SAMD4A: variants seen among roughly 807,000 people sequenced by gnomAD.
SAMD4A encodes sterile alpha motif domain containing 4A.
In SAMD4A, 33 loss-of-function variants were observed where a neutral mutation model predicts 81.3. That is an observed-to-expected ratio of 0.41 (90% CI 0.31 to 0.54). The LOEUF (loss-of-function observed/expected upper bound fraction) is 0.54, where lower values mean the gene tolerates loss of function less well. SAMD4A is among the 20% of genes least tolerant of loss of function. SAMD4A has a pLI of 0.37. For synonymous variants in SAMD4A, 389 were observed against 382.1 expected, an observed-to-expected ratio of 1.02 and a Z score of -0.21; for missense variants, 854 against 951.1, an observed-to-expected ratio of 0.90 and a Z score of 1.34.
At chr14:54,759,954 G>T (rs1171420205) in intron 6 of SAMD4A, among the ~76,000 whole-genome samples, 1 of 152,042 alleles carries the variant, frequency 6.6e-6, no homozygotes, top group Non-Finnish European at 1.5e-5. Flanking sequence ...TATTTTCCTC[G>T]CTATACCTGT....
At chr14:54,627,801 C>T (rs1166931275) in intron 2 of SAMD4A, among the ~76,000 whole-genome samples, 3 of 152,138 alleles carry the variant, frequency 2.0e-5, no homozygotes, top group Non-Finnish European at 2.9e-5. Flanking sequence ...TGTATAAAAT[C>T]CAGACTAGAC....
At chr14:54,690,305 G>T (rs2140655844) in intron 2 of SAMD4A, among the ~76,000 whole-genome samples, 1 of 152,194 alleles carries the variant, frequency 6.6e-6, no homozygotes, top group South Asian at 2.1e-4. Flanking sequence ...GAGGGGGAGG[G>T]TTCAGATGTG....
At chr14:54,687,416 G>A in intron 2 of SAMD4A, 1 of 445,352 alleles carries the variant, frequency 2.2e-6, no homozygotes, top group Non-Finnish European at 4.5e-6. Flanking sequence ...GGTGTCCACA[G>A]CCCTGATTAG....
At chr14:54,777,658 G>T (rs986823802) in intron 11 of SAMD4A, among the ~76,000 whole-genome samples, 5 of 151,982 alleles carry the variant, frequency 3.3e-5, no homozygotes, top group Non-Finnish European at 5.9e-5. Context: ...AGGCAGGAGG[G>T]TGCAGGATGA....
At chr14:54,603,803 TTTGTTTG>T (rs1468627682) in intron 2 of SAMD4A, among the ~76,000 whole-genome samples, 3 of 150,130 alleles carry the variant, frequency 2.0e-5, no homozygotes, top group Non-Finnish European at 4.5e-5. Context: ...TATTTGTTTG[TTTGTTTG>T]TTTATTTGTT....
intron 3 of SAMD4A, among the ~76,000 whole-genome samples, chr14:54,729,366 GAGGCAAGTTTTT>G (rs983058279): frequency 2.6e-5 from 4 of 152,142 alleles, no homozygotes; most frequent in Admixed American, 6.5e-5. Flanking sequence ...AAAAGGGTAG[GAGGCAAGTTTTT>G]GTCATCTAGC....
intron 11 of SAMD4A, among the ~76,000 whole-genome samples, chr14:54,781,867 T>A (rs556719061): frequency 6.6e-6 from 1 of 152,180 alleles, no homozygotes; most frequent in Non-Finnish European, 1.5e-5. Context: ...GTCTTATACG[T>A]GCGGCGAGAT....
chr14:54,751,420 C>T (rs1309704498), intron 5 of SAMD4A, 31 bp from the exon 6 acceptor site: 2 of 1,300,362 alleles, frequency 1.5e-6, no homozygotes, highest in Non-Finnish European at 2.2e-6. Context: ...TTTAAATATA[C>T]ATTTAAATGT....
chr14:54,699,557 C>T (rs2036660434), intron 2 of SAMD4A, among the ~76,000 whole-genome samples: 3 of 152,020 alleles, frequency 2.0e-5, no homozygotes, highest in Admixed American at 1.3e-4. Flanking sequence ...CATTTTAAGA[C>T]TTTTAAAAGA....
intron 2 of SAMD4A, among the ~76,000 whole-genome samples, chr14:54,582,966 A>T (rs1014879992): frequency 2.0e-5 from 3 of 152,036 alleles, no homozygotes. Context: ...CTTTTTTGAG[A>T]CAGAGTCTCT....
At chr14:54,633,877 G>A (rs978458222) in intron 2 of SAMD4A, among the ~76,000 whole-genome samples, 2 of 152,092 alleles carry the variant, frequency 1.3e-5, no homozygotes, top group African/African-American at 4.8e-5. Flanking sequence ...CTTTTATTAG[G>A]TATTGAGATG....
At chr14:54,720,183 T>G (rs1182130656) in intron 3 of SAMD4A, among the ~76,000 whole-genome samples, 1 of 152,206 alleles carries the variant, frequency 6.6e-6, no homozygotes, top group East Asian at 1.9e-4. Context: ...AGTTCTTTTT[T>G]GTCTTTTTAA....
intron 2 of SAMD4A, among the ~76,000 whole-genome samples, chr14:54,616,176 C>A (rs2034486333): frequency 6.6e-6 from 1 of 152,166 alleles, no homozygotes; most frequent in Non-Finnish European, 1.5e-5. Context: ...TATAAATTGC[C>A]TTGCTCCCTC....
intron 3 of SAMD4A, among the ~76,000 whole-genome samples, chr14:54,709,506 T>C (rs151136197): frequency 2.6e-4 from 39 of 152,146 alleles, no homozygotes; most frequent in African/African-American, 8.9e-4. Flanking sequence ...TACCATGAGA[T>C]AAGGGAAGAG....
Position 54,636,509 on chromosome 14 carries a change from C to T in SAMD4A, c.197-65553C>T, listed in dbSNP as rs899973944. On this transcript the variant is annotated intron_variant, in intron 2 of 12. Transcript: ENST00000554335. ...TACTTTAAAAAGAGAACTCTGGCTT[C>T]TATGTTGAGAATAAACTTTAGGAGG... Among the ~76,000 whole-genome samples the T allele has an allele frequency of 2.6e-5, 4 of 152,138 alleles. No individual in the cohort carries two copies. The South Asian group carries it at 6.2e-4, about 24-fold the overall frequency.
intron 2 of SAMD4A, among the ~76,000 whole-genome samples, chr14:54,690,622 A>G (rs2036408977): frequency 6.6e-6 from 1 of 152,126 alleles, no homozygotes; most frequent in Admixed American, 6.5e-5. Context: ...TGGGTACAAA[A>G]CTTTCCCTTT....
rs1296266200 is a variant in SAMD4A at position 54,567,664 on chromosome 14, T to A, written c.-253T>A. ...GGGGATTTTTAAAAAGTCGTTTTTT[T>A]TTTTAAAGAAACATTTCCGTGCTAC... On this transcript the variant is annotated 5_prime_UTR_variant, in exon 2 of 13. Coordinates refer to ENST00000554335, the MANE Select transcript of SAMD4A (RefSeq NM_015589.6). 6.3e-6 allele frequency: 3 copies of A among 476,428 alleles called. No homozygotes were observed. The highest frequency in any genetic ancestry group is 7.3e-6 in the Non-Finnish European group (2 of 272,508). 29.5% of individuals were successfully genotyped at this position (476,428 alleles called of 1,614,324 possible).
intron 3 of SAMD4A, among the ~76,000 whole-genome samples, chr14:54,717,112 T>C (rs1278465997): frequency 6.6e-6 from 1 of 152,114 alleles, no homozygotes; most frequent in Non-Finnish European, 1.5e-5. Context: ...GGGAGCTACA[T>C]TGTGAGAAAG....
At chr14:54,589,787 T>G (rs1594701539) in intron 2 of SAMD4A, among the ~76,000 whole-genome samples, 1 of 152,318 alleles carries the variant, frequency 6.6e-6, no homozygotes, top group East Asian at 1.9e-4. Flanking sequence ...TTTACTTTAA[T>G]TTTCATATAA....
Sources: gnomAD v4.1 joint callset for allele counts (sites outside exome capture counted in the v4.1 genomes callset) on GRCh38, gnomAD v4.1.1 for gene constraint, MANE v1.5 for transcripts, NCBI Gene and HGNC (gene_info 2026-07-23, HGNC 2026-07-21) for gene names.